Variants in NEK1 observed in about 807,000 individuals in gnomAD.
NEK1 encodes serine/threonine-protein kinase Nek1.
In NEK1, 137 loss-of-function variants were observed where a neutral mutation model predicts 182.1. The observed-to-expected ratio is 0.75, with a 90% CI of 0.65 to 0.87. The LOEUF (loss-of-function observed/expected upper bound fraction) is 0.87, where lower values mean the gene tolerates loss of function less well. Ranked by LOEUF, NEK1 falls within the 40% of genes least tolerant of loss-of-function variation. NEK1 has a pLI of 0.00. For synonymous variants in NEK1, 513 were observed against 492.2 expected (o/e 1.04, Z -0.56); for missense variants, 1,391 against 1,494.4 (o/e 0.93, Z 1.14).
chr4:169,562,097 T>A lies in NEK1; in HGVS notation c.1080+40A>T, dbSNP rs1398983686. On this transcript the variant is annotated intron_variant, in intron 13 of 35. Coordinates refer to ENST00000507142, the MANE Select transcript of NEK1 (RefSeq NM_001199397.3). ...ATTTTGTTTCTTTTTTAAAATTATG[T>A]TTGCAAAGCTTTAAAATAACCAGAC... 2.1e-6 allele frequency: 3 copies of A among 1,410,108 alleles called. No individual in the cohort carries two copies. The South Asian group carries it at 4.0e-5, about 19-fold the overall frequency. 87.3% of individuals were successfully genotyped at this position (1,410,108 alleles called of 1,614,324 possible).
At chr4:169,450,010 G>A (rs57543388) in intron 27 of NEK1, among the ~76,000 whole-genome samples, 2,138 of 152,262 alleles carry the variant, frequency 0.014, 41 homozygotes, top group African/African-American at 0.049. Flanking sequence ...GAAAACCATG[G>A]CATGAGAACT....
At chr4:169,558,663 A>G (rs548645538) in intron 16 of NEK1, among the ~76,000 whole-genome samples, 1 of 152,360 alleles carries the variant, frequency 6.6e-6, no homozygotes, top group Admixed American at 6.5e-5. Flanking sequence ...CACCTCTTCC[A>G]TATTATAATC....
chr4:169,449,167 CGGAGCCCA>C lies in NEK1; in HGVS notation c.2588-10916_2588-10909del, dbSNP rs1561206627. On this transcript the variant is annotated intron_variant, in intron 27 of 35. Transcript: ENST00000507142. ...AAGCTGCCCAGAAGTTCAAAATGGG[CGGAGCCCA>C]CCGCAGCTCAACAAGGCCTACCGCC... Among the ~76,000 whole-genome samples the C allele has an allele frequency of 2.6e-3, 402 of 152,302 alleles. 3 individuals carry two copies. The highest frequency in any genetic ancestry group is 9.4e-3 in the African/African-American group (390 of 41,576).
intron 22 of NEK1, 25 bp from the exon 23 acceptor site, chr4:169,507,157 A>T: frequency 7.2e-7 from 1 of 1,382,750 alleles, no homozygotes; most frequent in Non-Finnish European, 9.9e-7. Flanking sequence ...AATTAACAAA[A>T]TGAGTTACCA....
intron 31 of NEK1, among the ~76,000 whole-genome samples, chr4:169,417,684 G>C (rs548498707): frequency 1.3e-5 from 2 of 152,244 alleles, no homozygotes; most frequent in South Asian, 4.2e-4. Flanking sequence ...TTCCAGCTCT[G>C]GCCATGAGAG....
chr4:169,596,186 GA>G (rs1251060070), intron 5 of NEK1, among the ~76,000 whole-genome samples: 2 of 152,072 alleles, frequency 1.3e-5, no homozygotes, highest in Non-Finnish European at 2.9e-5. Flanking sequence ...CAAATAATAA[GA>G]GTTTTTAAAA....
chr4:169,393,902 C>CAA lies in NEK1; in HGVS notation c.*606_*607dup, dbSNP rs1730292611. On this transcript the variant is annotated 3_prime_UTR_variant, in exon 36 of 36. Coordinates refer to ENST00000507142, the MANE Select transcript of NEK1 (RefSeq NM_001199397.3). The stretch of plus-strand genomic sequence containing the variant: ...GCTATTCTTTCATAATCAAATCTTT[C>CAA]AATGATTTCTAAGACTGTTTCTACA... 6.6e-6 allele frequency: 1 copy of CAA among 152,142 alleles called. No individual in the cohort carries two copies. The highest frequency in any genetic ancestry group is 6.5e-5 in the Admixed American group (1 of 15,280). The allele number at this position is 152,142 out of a possible 1,614,324, so 9.4% of individuals were successfully genotyped here.
At chr4:169,489,236 T>C (rs1749614083) in intron 23 of NEK1, among the ~76,000 whole-genome samples, 1 of 152,144 alleles carries the variant, frequency 6.6e-6, no homozygotes, top group African/African-American at 2.4e-5. Flanking sequence ...TAAGATTCTT[T>C]GGTTGAAGGC....
chr4:169,492,648 T>C (rs1361205409), intron 23 of NEK1, among the ~76,000 whole-genome samples: 3 of 152,208 alleles, frequency 2.0e-5, no homozygotes, highest in African/African-American at 7.2e-5. Flanking sequence ...ATACCAGTTG[T>C]GTACCTGTGG....
At chr4:169,556,738 TA>T (rs59615019) in intron 16 of NEK1, among the ~76,000 whole-genome samples, 32,725 of 115,962 alleles carry the variant, frequency 0.28, 4,203 homozygotes, top group African/African-American at 0.43. Context: ...CACAAAACAG[TA>T]AAAAAAAAAA....
chr4:169,466,178 T>C (rs978068976), intron 26 of NEK1, among the ~76,000 whole-genome samples: 17 of 152,034 alleles, frequency 1.1e-4, no homozygotes, highest in African/African-American at 3.6e-4. Context: ...GAACTTGTCC[T>C]AATGAAGTTC....
intron 12 of NEK1, among the ~76,000 whole-genome samples, chr4:169,569,667 T>C (rs1455877598): frequency 1.3e-5 from 2 of 152,070 alleles, no homozygotes; most frequent in Non-Finnish European, 2.9e-5. Flanking sequence ...GGTTTTCGTA[T>C]TTTTTTGGTG....
At chr4:169,398,958 A>C (rs1252421585) in intron 35 of NEK1, among the ~76,000 whole-genome samples, 1 of 152,198 alleles carries the variant, frequency 6.6e-6, no homozygotes, top group Non-Finnish European at 1.5e-5. Flanking sequence ...TTTTGTGTCT[A>C]CAAGTTTTGC....
chr4:169,397,705 T>A (rs1730960306), intron 35 of NEK1, among the ~76,000 whole-genome samples: 1 of 152,176 alleles, frequency 6.6e-6, no homozygotes, highest in South Asian at 2.1e-4. Flanking sequence ...CTAGCCTGAT[T>A]CTTGGTCCTT....
intron 12 of NEK1, among the ~76,000 whole-genome samples, chr4:169,570,565 C>A (rs1016294579): frequency 1.3e-5 from 2 of 149,120 alleles, no homozygotes; most frequent in Non-Finnish European, 1.5e-5. Context: ...GGGGGGTCAG[C>A]CCCCCGCCCG....
chr4:169,525,980 AC>A (rs563053595), intron 19 of NEK1, among the ~76,000 whole-genome samples: 9 of 152,342 alleles, frequency 5.9e-5, no homozygotes, highest in African/African-American at 1.7e-4. Context: ...AATCCCCACT[AC>A]AAAGAATTAC....
chr4:169,556,070 GT>G lies in NEK1; in HGVS notation c.1291del (p.Thr431LeufsTer2). On this transcript the variant is annotated frameshift_variant, in exon 17 of 36. Coordinates refer to ENST00000507142, the MANE Select transcript of NEK1 (RefSeq NM_001199397.3). LOFTEE classifies it high-confidence loss of function. ...VKAPFLGSGG[T>X]IAPSSFSSRG... ...AGAAGAAAAAGATGATGGAGCTATA[GT>G]CCCTCCACTGCCCAGAAAAGGAGCC... 1 of 1,613,160 alleles carries G rather than the reference GT, an allele frequency of 6.2e-7. No homozygotes were observed. Among genetic ancestry groups the G allele is most frequent in the Non-Finnish European group, 8.5e-7 (1 of 1,179,496 alleles).
At chr4:169,490,381 C>A (rs1234791113) in intron 23 of NEK1, among the ~76,000 whole-genome samples, 2 of 152,016 alleles carry the variant, frequency 1.3e-5, no homozygotes, top group Non-Finnish European at 2.9e-5. Flanking sequence ...GGTCACTGAT[C>A]CACTAGATGT....
chr4:169,402,349 G>C (rs185969320), intron 32 of NEK1, among the ~76,000 whole-genome samples: 3 of 152,276 alleles, frequency 2.0e-5, no homozygotes, highest in Admixed American at 1.3e-4. Context: ...TTGGGCATTT[G>C]AACTTTTAGA....
Sources: allele counts gnomAD v4.1 joint callset (sites outside exome capture counted in the v4.1 genomes callset), GRCh38; gene constraint gnomAD v4.1.1; transcripts MANE v1.5; gene names NCBI Gene and HGNC (gene_info 2026-07-23, HGNC 2026-07-21).